The following NPFFR2 variants were observed in gnomAD, a reference collection of about 807,000 sequenced individuals.
The protein encoded by NPFFR2 is neuropeptide FF receptor 2, also known as G-protein coupled receptor 74.
A neutral mutation model predicts 13.1 loss-of-function variants in NPFFR2; 15 were observed. The ratio of observed to expected loss-of-function variants is 1.15; its 90% CI spans 0.77 to 1.76. The LOEUF (loss-of-function observed/expected upper bound fraction) is 1.76. Among genes scored for constraint, NPFFR2 ranks in the 40% most tolerant of loss-of-function variants. The probability of loss-of-function intolerance (pLI) is 0.00; values close to 1 mark genes in which losing one functional copy is unlikely to be tolerated. For missense variants in NPFFR2, 572 were observed against 503.5 expected (o/e 1.14, Z -1.30); for synonymous variants, 190 against 175.7 (o/e 1.08, Z -0.65).
At chr4:72,108,962 G>A (rs1721491461) in intron 1 of NPFFR2, among the ~76,000 whole-genome samples, 1 of 151,954 alleles carries the variant, frequency 6.6e-6, no homozygotes, top group Admixed American at 6.6e-5. Context: ...AGCATCATTT[G>A]CATAAGTCTA....
chr4:72,071,094 T>C (rs1275959315), intron 1 of NPFFR2, among the ~76,000 whole-genome samples: 2 of 152,132 alleles, frequency 1.3e-5, no homozygotes, highest in African/African-American at 4.8e-5. Context: ...AAAACATAAT[T>C]CTGGACATCA....
intron 1 of NPFFR2, among the ~76,000 whole-genome samples, chr4:72,044,186 T>C (rs1410178901): frequency 6.6e-6 from 1 of 152,186 alleles, no homozygotes; most frequent in Non-Finnish European, 1.5e-5. Flanking sequence ...TCCCCACTCA[T>C]GCAGAATTGT....
intron 1 of NPFFR2, among the ~76,000 whole-genome samples, chr4:72,086,749 A>G (rs1720783676): frequency 6.6e-6 from 1 of 152,070 alleles, no homozygotes; most frequent in Non-Finnish European, 1.5e-5. Context: ...CCCCTTAAAT[A>G]AAAAATATTT....
At chr4:72,134,777 C>T (rs1177923830) in intron 2 of NPFFR2, among the ~76,000 whole-genome samples, 1 of 152,004 alleles carries the variant, frequency 6.6e-6, no homozygotes, top group African/African-American at 2.4e-5. Context: ...GTACGTTTCC[C>T]GGTGTTTTCT....
chr4:72,060,886 T>C (rs1269418411), intron 1 of NPFFR2, among the ~76,000 whole-genome samples: 2 of 152,158 alleles, frequency 1.3e-5, no homozygotes, highest in African/African-American at 2.4e-5. Flanking sequence ...TTAAGTAACT[T>C]TTTTGCCACT....
At chr4:72,115,215 A>G (rs1008393419) in intron 1 of NPFFR2, among the ~76,000 whole-genome samples, 9 of 152,180 alleles carry the variant, frequency 5.9e-5, no homozygotes, top group South Asian at 4.1e-4. Context: ...ATTTATTTCA[A>G]TAAATTATAT....
chr4:72,133,589 G>C (rs1048886068), intron 2 of NPFFR2, among the ~76,000 whole-genome samples: 4 of 152,142 alleles, frequency 2.6e-5, no homozygotes, highest in African/African-American at 9.7e-5. Flanking sequence ...TCTATAAATT[G>C]CTTTGGGCAG....
At chr4:72,118,708 A>G (rs943493697) in intron 1 of NPFFR2, among the ~76,000 whole-genome samples, 1 of 152,208 alleles carries the variant, frequency 6.6e-6, no homozygotes, top group African/African-American at 2.4e-5. Context: ...AGATTAATTA[A>G]TACATTTAAC....
chr4:72,047,178 TAAA>T (rs57694296), intron 1 of NPFFR2, among the ~76,000 whole-genome samples: 11 of 151,036 alleles, frequency 7.3e-5, no homozygotes, highest in South Asian at 2.1e-4. Context: ...TGTAAAGAAT[TAAA>T]AAAAAAAAAG....
intron 1 of NPFFR2, among the ~76,000 whole-genome samples, chr4:72,037,403 G>T (rs1196453418): frequency 1.5e-5 from 2 of 130,198 alleles, no homozygotes; most frequent in African/African-American, 2.9e-5. Flanking sequence ...GATCTTGTTT[G>T]AAAAAAAAAA....
At chr4:72,086,946 G>A (rs1720788768) in intron 1 of NPFFR2, among the ~76,000 whole-genome samples, 1 of 151,560 alleles carries the variant, frequency 6.6e-6, no homozygotes, top group African/African-American at 2.4e-5. Context: ...TAATAATAAA[G>A]TTAGTAAGTA....
chr4:72,124,001 A>G (rs886758543), intron 1 of NPFFR2, among the ~76,000 whole-genome samples: 1 of 152,210 alleles, frequency 6.6e-6, no homozygotes, highest in African/African-American at 2.4e-5. Context: ...ATATGATTGT[A>G]TATTTAGAAA....
rs903747803 is a variant in NPFFR2 at position 72,148,126 on chromosome 4, C to T, written c.*314C>T. 8 of 220,738 alleles carry T rather than the reference C, an allele frequency of 3.6e-5. No individual in the cohort carries two copies. Among genetic ancestry groups the T allele is most frequent in the African/African-American group, 1.4e-4 (6 of 43,646 alleles). The allele number at this position is 220,738 out of a possible 1,614,324, so 13.7% of individuals were successfully genotyped here. ...GCGTCAAATCAAGCCTGCACGCGTG[C>T]GTGCATGTGTGTGTGTATTTTCCCC... On this transcript the variant is annotated 3_prime_UTR_variant, in exon 4 of 4. Transcript: ENST00000308744.
At chr4:72,062,965 A>G (rs12507642) in intron 1 of NPFFR2, among the ~76,000 whole-genome samples, 41,197 of 152,118 alleles carry the variant, frequency 0.27, 5,901 homozygotes, top group Middle Eastern at 0.37. Context: ...AACAAAAAAC[A>G]CTGTACGTCT....
At chr4:72,062,334 G>A (rs948411024) in intron 1 of NPFFR2, among the ~76,000 whole-genome samples, 3 of 152,030 alleles carry the variant, frequency 2.0e-5, no homozygotes, top group Non-Finnish European at 4.4e-5. Context: ...TTTGTTAAAT[G>A]TCCATAAATA....
chr4:72,111,072 G>C (rs1721553711), intron 1 of NPFFR2, among the ~76,000 whole-genome samples: 1 of 151,972 alleles, frequency 6.6e-6, no homozygotes, highest in African/African-American at 2.4e-5. Context: ...TCCAGTCAAT[G>C]TAATTCCAAG....
At chr4:72,101,131 A>T (rs546203567) in intron 1 of NPFFR2, among the ~76,000 whole-genome samples, 1 of 152,232 alleles carries the variant, frequency 6.6e-6, no homozygotes, top group African/African-American at 2.4e-5. Flanking sequence ...GTTAAGAAAC[A>T]AAACAAAATA....
At chr4:72,036,937 G>A (rs190590170) in intron 1 of NPFFR2, among the ~76,000 whole-genome samples, 52 of 152,144 alleles carry the variant, frequency 3.4e-4, no homozygotes, top group Non-Finnish European at 6.8e-4. Context: ...GAGAGTTTGC[G>A]ACTTATAAAA....
At chr4:72,078,410 G>T (rs991566256) in intron 1 of NPFFR2, among the ~76,000 whole-genome samples, 1 of 152,126 alleles carries the variant, frequency 6.6e-6, no homozygotes, top group Admixed American at 6.6e-5. Context: ...AACAAAAAAC[G>T]ATTAGCATGA....
Sources: allele counts gnomAD v4.1 joint callset (sites outside exome capture counted in the v4.1 genomes callset), GRCh38; gene constraint gnomAD v4.1.1; transcripts MANE v1.5; gene names NCBI Gene and HGNC (gene_info 2026-07-23, HGNC 2026-07-21).